The following PSEN1 variants were observed in gnomAD, a reference collection of about 807,000 sequenced individuals.
PSEN1 encodes presenilin 1.
A neutral mutation model predicts 53.5 loss-of-function variants in PSEN1; 15 were observed. That is an observed-to-expected ratio of 0.28 (90% CI 0.19 to 0.43). The LOEUF is 0.43. Among genes scored for constraint, PSEN1 ranks in the 20% least tolerant of loss-of-function variants. The pLI is 1.00. For missense variants in PSEN1, 387 were observed against 571.2 expected (o/e 0.68, Z 3.29); for synonymous variants, 208 against 209.8 (o/e 0.99, Z 0.08).
chr14:73,216,866 G>C (rs970585845), intron 10 of PSEN1, among the ~76,000 whole-genome samples: 3 of 152,052 alleles, frequency 2.0e-5, no homozygotes, highest in Non-Finnish European at 4.4e-5. Flanking sequence ...TTCAATAGAT[G>C]ACGATTATTA....
At position 73,219,644 on chromosome 14, in the gene PSEN1, G is replaced by T; in HGVS notation, c.*355G>T. On this transcript the variant is annotated 3_prime_UTR_variant, in exon 12 of 12. Transcript: ENST00000324501. ...ATTTCACTGACACTGCGAACTCTCAGGACTACCGTTACCAAGAGGTTAGGT... is the reference window on the plus strand; with the variant it reads ...ATTTCACTGACACTGCGAACTCTCATGACTACCGTTACCAAGAGGTTAGGT... 3.0e-6 allele frequency: 1 copy of T among 335,054 alleles called. No individual in the cohort carries two copies. Among genetic ancestry groups the T allele is most frequent in the South Asian group, 2.7e-5 (1 of 37,202 alleles). 20.8% of individuals were successfully genotyped at this position (335,054 alleles called of 1,614,324 possible).
At chr14:73,162,459 T>TCC (rs966273476) in intron 3 of PSEN1, among the ~76,000 whole-genome samples, 12 of 146,886 alleles carry the variant, frequency 8.2e-5, no homozygotes, top group African/African-American at 2.8e-4. Flanking sequence ...TCTCTCTCTC[T>TCC]CTCTCCATGA....
At chr14:73,162,009 A>G (rs1287906879) in intron 3 of PSEN1, among the ~76,000 whole-genome samples, 3 of 150,672 alleles carry the variant, frequency 2.0e-5, no homozygotes, top group Non-Finnish European at 4.4e-5. Context: ...AAAAAAAAAA[A>G]AAAAAAATAG....
At chr14:73,162,505 A>G (rs985971391) in intron 3 of PSEN1, among the ~76,000 whole-genome samples, 6 of 149,782 alleles carry the variant, frequency 4.0e-5, no homozygotes, top group African/African-American at 1.5e-4. Context: ...CACGCGAACA[A>G]GCGATTGAGT....
At chr14:73,188,770 T>C (rs763404921) in intron 6 of PSEN1, among the ~76,000 whole-genome samples, 3 of 150,190 alleles carry the variant, frequency 2.0e-5, no homozygotes, top group Non-Finnish European at 4.4e-5. Flanking sequence ...TTTTCTTTTC[T>C]TTCTTTTGTT....
chr14:73,165,779 C>CG (rs1897694365), intron 3 of PSEN1, among the ~76,000 whole-genome samples: 1 of 141,924 alleles, frequency 7.0e-6, no homozygotes, highest in African/African-American at 2.6e-5. Context: ...AGTGTGTGGC[C>CG]GGGCGCGGTG....
intron 11 of PSEN1, among the ~76,000 whole-genome samples, chr14:73,218,134 C>T (rs1412011224): frequency 2.1e-5 from 3 of 141,364 alleles, no homozygotes; most frequent in African/African-American, 8.1e-5. Context: ...CTCTGTCGCC[C>T]AAACTAGAGT....
At chr14:73,217,351 C>G (rs1899960106) in intron 11 of PSEN1, 107 bp downstream of exon 11, 4 of 1,319,976 alleles carry the variant, frequency 3.0e-6, no homozygotes, top group Non-Finnish European at 2.2e-6. Flanking sequence ...TTAAATATTC[C>G]AGCTATCTGA....
chr14:73,145,669 AGTGAACTT>A (rs1219707983), intron 1 of PSEN1, among the ~76,000 whole-genome samples: 1 of 152,222 alleles, frequency 6.6e-6, no homozygotes, highest in African/African-American at 2.4e-5. Context: ...CTTCACTGAA[AGTGAACTT>A]GTATGGATAC....
At chr14:73,181,862 C>CTCCTGGGTTCAAGCAA (rs1898225413) in intron 5 of PSEN1, among the ~76,000 whole-genome samples, 1 of 152,118 alleles carries the variant, frequency 6.6e-6, no homozygotes, top group Non-Finnish European at 1.5e-5. Context: ...CACCCTATAC[C>CTCCTGGGTTCAAGCAA]TCCTGGGTTC....
intron 8 of PSEN1, chr14:73,206,008 A>T (rs1899439448): frequency 4.1e-6 from 1 of 242,152 alleles, no homozygotes; most frequent in Non-Finnish European, 8.2e-6. Flanking sequence ...TTTGAATTAT[A>T]ATCACCATCT....
Position 73,151,911 on chromosome 14 carries a change from T to A in PSEN1, c.87+3805T>A, listed in dbSNP as rs1185345761. On this transcript the variant is annotated intron_variant, in intron 3 of 11. Coordinates refer to ENST00000324501, the MANE Select transcript of PSEN1 (RefSeq NM_000021.4). ...ATATATATATTTTTTTTTTTTTTTT[T>A]TTTTTTTTTTTTTTTTTTGAGACGG... Among the ~76,000 whole-genome samples the A allele has an allele frequency of 5.7e-4, 60 of 105,188 alleles. 2 individuals are homozygous for A. The highest frequency in any genetic ancestry group is 2.2e-3 in the Admixed American group (22 of 10,034). 69.0% of individuals were successfully genotyped at this position (105,188 alleles called of 152,430 possible).
At chr14:73,184,849 C>G (rs1898424208) in intron 5 of PSEN1, among the ~76,000 whole-genome samples, 1 of 145,310 alleles carries the variant, frequency 6.9e-6, no homozygotes, top group Admixed American at 6.8e-5. Context: ...ACTTCCCAGA[C>G]GGGGCGGCTG....
intron 3 of PSEN1, among the ~76,000 whole-genome samples, chr14:73,166,592 A>G (rs926445489): frequency 6.6e-6 from 1 of 152,246 alleles, no homozygotes; most frequent in Non-Finnish European, 1.5e-5. Context: ...TCAATTGCAG[A>G]TATAACATTC....
chr14:73,175,347 G>A (rs1227874159), intron 5 of PSEN1, among the ~76,000 whole-genome samples: 1 of 151,998 alleles, frequency 6.6e-6, no homozygotes, highest in African/African-American at 2.4e-5. Context: ...GGCTGGTCTA[G>A]AACTCCTGAC....
At chr14:73,211,663 G>A (rs916758129) in intron 9 of PSEN1, 106 bp from the exon 10 acceptor site, 198 of 1,243,516 alleles carry the variant, frequency 1.6e-4, no homozygotes, top group Non-Finnish European at 2.2e-4. Context: ...TGTGGTTTAA[G>A]GGCCAGCTAG....
chr14:73,181,762 A>G (rs990599408), intron 5 of PSEN1, among the ~76,000 whole-genome samples: 1 of 152,044 alleles, frequency 6.6e-6, no homozygotes, highest in Non-Finnish European at 1.5e-5. Flanking sequence ...TGAAAGGGAA[A>G]CGGTTTTATT....
chr14:73,181,237 C>G (rs1382450885), intron 5 of PSEN1, among the ~76,000 whole-genome samples: 1 of 151,754 alleles, frequency 6.6e-6, no homozygotes, highest in African/African-American at 2.4e-5. Context: ...GTCAGAAGAT[C>G]GAGACCAGCC....
intron 1 of PSEN1, among the ~76,000 whole-genome samples, chr14:73,138,478 C>G (rs898935366): frequency 6.6e-6 from 1 of 151,200 alleles, no homozygotes; most frequent in African/African-American, 2.4e-5. Flanking sequence ...CTCGGCCTCC[C>G]AGAGTGCTGC....
Sources: allele counts gnomAD v4.1 joint callset (sites outside exome capture counted in the v4.1 genomes callset), GRCh38; gene constraint gnomAD v4.1.1; transcripts MANE v1.5; gene names NCBI Gene and HGNC (gene_info 2026-07-23, HGNC 2026-07-21).